NEDD4L: variants seen among roughly 807,000 people sequenced by gnomAD.
NEDD4L encodes the protein NEDD4 like E3 ubiquitin protein ligase, also known as E3 ubiquitin-protein ligase NEDD4-like.
In NEDD4L, 54 loss-of-function variants were observed where a neutral mutation model predicts 148.9. That is an observed-to-expected ratio of 0.36 (90% CI 0.29 to 0.45). The LOEUF is 0.45. NEDD4L is among the 20% of genes least tolerant of loss of function. The probability of loss-of-function intolerance (pLI) is 1.00; values close to 1 mark genes in which losing one functional copy is unlikely to be tolerated. For synonymous variants in NEDD4L, 433 were observed against 440.7 expected, an observed-to-expected ratio of 0.98 and a Z score of 0.22; for missense variants, 856 against 1,233.8, an observed-to-expected ratio of 0.69 and a Z score of 4.59.
chr18:58,082,365 C>G (rs539998544), intron 1 of NEDD4L, among the ~76,000 whole-genome samples: 6 of 150,286 alleles, frequency 4.0e-5, no homozygotes, highest in Non-Finnish European at 8.9e-5. Context: ...CTCTGCCTCC[C>G]AAAGTGCTGG....
intron 5 of NEDD4L, among the ~76,000 whole-genome samples, chr18:58,297,744 G>A (rs1434838574): frequency 6.6e-6 from 1 of 152,156 alleles, no homozygotes; most frequent in South Asian, 2.1e-4. Context: ...GGCCCTAAAC[G>A]CAGTCACAAG....
At chr18:58,342,823 A>G (rs1165575214) in intron 15 of NEDD4L, 83 bp from the exon 16 acceptor site, 7 of 1,074,078 alleles carry the variant, frequency 6.5e-6, no homozygotes, top group African/African-American at 1.6e-5. Flanking sequence ...TCCAAAGAGA[A>G]GCCTTCTGCA....
At chr18:58,049,784 C>A (rs1405618942) in intron 1 of NEDD4L, among the ~76,000 whole-genome samples, 1 of 151,990 alleles carries the variant, frequency 6.6e-6, no homozygotes, top group Admixed American at 6.6e-5. Flanking sequence ...TGAGGCCAGG[C>A]TGGGCAACGT....
chr18:58,256,452 G>C lies in NEDD4L; in HGVS notation c.297+4398G>C. ...GGCTTCACGGGCACAAAGGGGGACA[G>C]GTTGGTGAGGTATCCTCGCATTCGG... On this transcript the variant is annotated intron_variant, in intron 5 of 30. Coordinates refer to ENST00000400345, the MANE Select transcript of NEDD4L (RefSeq NM_001144967.3). This position sits in a 1 kb window ranked among gnomAD's most constrained non-coding sequence, Gnocchi z 5.2. 8.1e-7 allele frequency: 1 copy of C among 1,232,324 alleles called. No individual in the cohort carries two copies. The highest frequency in any genetic ancestry group is 4.1e-5 in the South Asian group (1 of 24,326). The allele number at this position is 1,232,324 out of a possible 1,614,324, so 76.3% of individuals were successfully genotyped here. A position where few individuals can be genotyped will look rare whatever the true frequency, so the allele number is the denominator to read the frequency against.
chr18:58,091,454 C>T (rs770279183), intron 1 of NEDD4L: 21 of 152,266 alleles, frequency 1.4e-4, no homozygotes, highest in African/African-American at 5.1e-4. Context: ...GGACTGTGCA[C>T]ATTTCCTGAT....
chr18:58,191,454 A>G (rs1193448626), intron 2 of NEDD4L, among the ~76,000 whole-genome samples: 1 of 152,214 alleles, frequency 6.6e-6, no homozygotes, highest in Non-Finnish European at 1.5e-5. Flanking sequence ...CCCCTATTTC[A>G]GAATCCAGAG....
At chr18:58,232,436 C>T (rs1015128676) in intron 2 of NEDD4L, among the ~76,000 whole-genome samples, 1 of 152,154 alleles carries the variant, frequency 6.6e-6, no homozygotes, top group Admixed American at 6.5e-5. Context: ...GTAATGGATT[C>T]CACAGTTCAC....
In NEDD4L at chr18:58,278,349, C is replaced by T. The variant is rs971696545; in HGVS notation, c.297+26295C>T. 1.1e-4 allele frequency among the ~76,000 whole-genome samples: 17 copies of T among 152,316 alleles called. No homozygotes were observed. In the South Asian group the frequency reaches 2.9e-3, roughly 26 times the overall value. Reference sequence around the variant, plus strand: ...TCATCTTCCACATCTGTCTGGCGTCCAGGCCCTGCCCCTCCTGCCTCTTCA... The same window carrying T: ...TCATCTTCCACATCTGTCTGGCGTCTAGGCCCTGCCCCTCCTGCCTCTTCA... On this transcript the variant is annotated intron_variant, in intron 5 of 30. Coordinates refer to ENST00000400345, the MANE Select transcript of NEDD4L (RefSeq NM_001144967.3).
At chr18:58,082,095 TATA>T (rs1814805165) in intron 1 of NEDD4L, among the ~76,000 whole-genome samples, 3 of 98,204 alleles carry the variant, frequency 3.1e-5, no homozygotes, top group African/African-American at 1.7e-4. Flanking sequence ...TATATATATA[TATA>T]TATATTTTTT....
At chr18:58,067,573 C>T (rs1213984966) in intron 1 of NEDD4L, among the ~76,000 whole-genome samples, 1 of 152,110 alleles carries the variant, frequency 6.6e-6, no homozygotes, top group Non-Finnish European at 1.5e-5. Context: ...TCTGCAGTTC[C>T]CATGGAATTG....
chr18:58,255,086 C>T (rs934700380), intron 5 of NEDD4L, among the ~76,000 whole-genome samples: 2 of 152,098 alleles, frequency 1.3e-5, no homozygotes, highest in East Asian at 1.9e-4. Flanking sequence ...GGGAAAATAC[C>T]GTGTGTGCTG....
chr18:58,131,634 T>C (rs572742672), intron 1 of NEDD4L, among the ~76,000 whole-genome samples: 3 of 151,866 alleles, frequency 2.0e-5, no homozygotes, highest in East Asian at 3.9e-4. Flanking sequence ...TTTGGTTGGT[T>C]GTGATCTAGC....
At position 58,343,029 on chromosome 18, in the gene NEDD4L, C is replaced by T; in HGVS notation, c.1501C>T (p.Pro501Ser). Residue 501 changes from proline to serine, a missense_variant, in exon 16 of 31, where the codon CCC (proline) becomes TCC (serine). Physicochemically the swap from Pro to Ser is moderately conservative, Grantham distance 74 (BLOSUM62 -1). Around this residue, in one of 4 missense-constraint regions of NEDD4L, gnomAD observed 367 missense variants for 422.7 expected, o/e 0.87. Coordinates refer to ENST00000400345, the MANE Select transcript of NEDD4L (RefSeq NM_001144967.3). ...QHKVTQSFLP[P>S]GWEMRIAPNG... ...CAAAGTCACACAGAGCTTCTTGCCA[C>T]CCGGCTGGGAAATGAGGATAGCGCC... 2 of 1,613,588 alleles carry T rather than the reference C, an allele frequency of 1.2e-6. No individual in the cohort carries two copies. The highest frequency in any genetic ancestry group is 1.1e-5 in the South Asian group (1 of 90,934).
intron 1 of NEDD4L, among the ~76,000 whole-genome samples, chr18:58,100,861 C>G (rs1470242823): frequency 6.6e-6 from 1 of 152,154 alleles, no homozygotes; most frequent in Non-Finnish European, 1.5e-5. Flanking sequence ...GGCTGGAGTG[C>G]AGTGGTGCGA....
chr18:58,350,781 A>G (rs2043780757), intron 17 of NEDD4L, among the ~76,000 whole-genome samples: 1 of 152,248 alleles, frequency 6.6e-6, no homozygotes, highest in Non-Finnish European at 1.5e-5. Context: ...CAGTCAGCGC[A>G]TCTGAGACCT....
chr18:58,373,054 T>A lies in NEDD4L; in HGVS notation c.2257-120T>A, dbSNP rs2047105259. 7.7e-6 allele frequency: 5 copies of A among 649,592 alleles called. No homozygotes were observed. The South Asian group carries it at 8.7e-5, about 11-fold the overall frequency. 40.2% of individuals were successfully genotyped at this position (649,592 alleles called of 1,614,324 possible). ...TTTAGGTGGAGCAGGAAACATTGCA[T>A]TAGTAACATATTTCTTGAGCATTCT... On this transcript the variant is annotated intron_variant, in intron 23 of 30. Transcript: ENST00000400345.
At chr18:58,072,595 T>C (rs1218548954) in intron 1 of NEDD4L, among the ~76,000 whole-genome samples, 1 of 152,210 alleles carries the variant, frequency 6.6e-6, no homozygotes, top group Non-Finnish European at 1.5e-5. Context: ...ATAAAGACTG[T>C]CTATGAAAAA....
At chr18:58,315,859 C>T (rs947200472) in intron 5 of NEDD4L, 123 bp from the exon 6 acceptor site, 21 of 881,372 alleles carry the variant, frequency 2.4e-5, no homozygotes, top group East Asian at 7.2e-5. Context: ...CGGGGCCTTC[C>T]GCCCTCCACA....
At chr18:58,132,921 C>A (rs114572087) in intron 1 of NEDD4L, among the ~76,000 whole-genome samples, 247 of 152,278 alleles carry the variant, frequency 1.6e-3, no homozygotes, top group African/African-American at 5.3e-3. Context: ...TAGGAGATCA[C>A]CAAACCCAAA....
Sources: allele counts gnomAD v4.1 joint callset (sites outside exome capture counted in the v4.1 genomes callset), GRCh38; gene constraint gnomAD v4.1.1; regional missense constraint gnomAD v4.1.1; non-coding constraint Gnocchi (gnomAD v3.1); transcripts MANE v1.5; gene names NCBI Gene and HGNC (gene_info 2026-07-23, HGNC 2026-07-21).